Variants in BSG observed in about 807,000 individuals in gnomAD.
BSG encodes the protein basigin.
BSG carries 37 observed loss-of-function variants against 43.1 expected under a neutral mutation model. That is an observed-to-expected ratio of 0.86 (90% CI 0.66 to 1.13). BSG has a LOEUF of 1.13. Among genes scored for constraint, BSG ranks in the 50% most tolerant of loss-of-function variants. The pLI is 0.00. For missense variants in BSG, 599 were observed against 554.2 expected (o/e 1.08, Z -0.81); for synonymous variants, 309 against 238.7 (o/e 1.29, Z -2.72).
At chr19:581,279 G>A (rs763066457) in intron 5 of BSG, 36 bp from the exon 6 acceptor site, 4 of 1,583,914 alleles carry the variant, frequency 2.5e-6, no homozygotes, top group Non-Finnish European at 3.4e-6. Flanking sequence ...CCTAGACTGG[G>A]GGTCCTGGAC....
chr19:573,220 C>G (rs1981443309), intron 1 of BSG, among the ~76,000 whole-genome samples: 1 of 152,134 alleles, frequency 6.6e-6, no homozygotes. Context: ...GCCTGCCCAA[C>G]CCGTCCTGCT....
intron 1 of BSG, among the ~76,000 whole-genome samples, chr19:574,147 C>T (rs1208020047): frequency 6.6e-6 from 1 of 151,870 alleles, no homozygotes; most frequent in African/African-American, 2.4e-5. Flanking sequence ...CCCAGCCACT[C>T]AGGAAGCTGA....
chr19:579,626 ACG>A lies in BSG; in HGVS notation c.546_547del (p.Leu183AlafsTer69). ...AAGGGGGGCGTGGTGCTGAAGGAGG[ACG>A]CGCTGCCCGGCCAGAAAACGGAGTT... On this transcript the variant is annotated frameshift_variant, in exon 3 of 9. Transcript: ENST00000333511. LOFTEE classifies it high-confidence loss of function. 6.2e-7 allele frequency: 1 copy of A among 1,611,832 alleles called. No individual in the cohort carries two copies. The highest frequency in any genetic ancestry group is 8.5e-7 in the Non-Finnish European group (1 of 1,179,506).
At chr19:571,774 T>G, upstream of BSG, 1 of 614,576 alleles carries the variant, frequency 1.6e-6, no homozygotes, top group Non-Finnish European at 2.9e-6. Flanking sequence ...TCTGTTCCTC[T>G]GTCCTTTCCC....
At chr19:571,469 T>C (rs1040676859), upstream of BSG, 5 of 774,274 alleles carry the variant, frequency 6.5e-6, no homozygotes, top group South Asian at 1.3e-5. Flanking sequence ...CAAGGGTCCT[T>C]CCTACCCGCG....
At chr19:576,205 G>T (rs750813989) in intron 1 of BSG, among the ~76,000 whole-genome samples, 4 of 152,248 alleles carry the variant, frequency 2.6e-5, no homozygotes, top group Non-Finnish European at 5.9e-5. Context: ...TGCCCTGCCT[G>T]GAGGTGGGGT....
In BSG at chr19:581,037, TCCCGGACCCAGCCCTCTGGACTGCAGCCC is replaced by T. The variant is rs1982263684; in HGVS notation, c.792+256_793-249del. ...CTGGGTGAGGGGCCTAGACTGGGGG[TCCCGGACCCAGCCCTCTGGACTGCAGCCC>T]TCCAGACTGGGTGAGGGGCCTAGAC... On this transcript the variant is annotated intron_variant, in intron 5 of 8. Coordinates refer to ENST00000333511, the MANE Select transcript of BSG (RefSeq NM_001728.4). Among the ~76,000 whole-genome samples the T allele has an allele frequency of 3.5e-3, 296 of 84,264 alleles. 2 individuals carry two copies. The highest frequency in any genetic ancestry group is 0.012 in the African/African-American group (187 of 16,156). 55.3% of individuals were successfully genotyped at this position (84,264 alleles called of 152,430 possible). A position where few individuals can be genotyped will look rare whatever the true frequency, so the allele number is the denominator to read the frequency against.
chr19:579,448 GCGCGGGCCGTGCTCCTCCACTCTGCTGAC>G (rs1982081744), intron 2 of BSG, 23 bp from the exon 3 acceptor site: 2 of 1,606,218 alleles, frequency 1.2e-6, no homozygotes, highest in Admixed American at 3.3e-5. Flanking sequence ...CAGGCAGGCA[GCGCGGGCCGTGCTCCTCCACTCTGCTGAC>G]CGCGTCTCGC....
chr19:572,594 G>A (rs869192063), upstream of BSG: 3 of 1,450,722 alleles, frequency 2.1e-6, 1 homozygote, highest in Admixed American at 2.5e-5. Context: ...GGCGGCGGCG[G>A]CAGCGGTTGG....
intron 5 of BSG, 102 bp from the exon 6 acceptor site, chr19:581,213 G>A (rs1416996656): frequency 4.0e-6 from 5 of 1,253,830 alleles, no homozygotes; most frequent in South Asian, 2.1e-5. Flanking sequence ...CCTCCGGACT[G>A]GGTGAGGGGC....
chr19:577,691 T>A, intron 1 of BSG, 83 bp from the exon 2 acceptor site: 1 of 1,164,838 alleles, frequency 8.6e-7, no homozygotes, highest in Non-Finnish European at 1.1e-6. Context: ...TGGCTGGGAG[T>A]CCTGTGGGCG....
At chr19:571,613 T>C (rs753588290), upstream of BSG, 4 of 779,482 alleles carry the variant, frequency 5.1e-6, no homozygotes, top group East Asian at 9.7e-5. Flanking sequence ...CAGAATGGGA[T>C]CCAAATGGGA....
At chr19:571,824 C>G, upstream of BSG, 2 of 544,180 alleles carry the variant, frequency 3.7e-6, no homozygotes, top group Non-Finnish European at 3.3e-6. Context: ...AAGCTGATCC[C>G]GGTTGGCTAA....
intron 3 of BSG, 72 bp from the exon 4 acceptor site, chr19:580,307 C>T (rs1982169303): frequency 7.0e-7 from 1 of 1,434,268 alleles, no homozygotes; most frequent in Admixed American, 1.8e-5. Flanking sequence ...GGTTGGGCCC[C>T]TGGAGAACCC....
chr19:572,757 C>G, intron 1 of BSG, 56 bp downstream of exon 1: 1 of 1,373,956 alleles, frequency 7.3e-7, no homozygotes, highest in Non-Finnish European at 9.5e-7. Flanking sequence ...GAATGGAGGC[C>G]GCGGTGCCGA....
chr19:580,381 T>C lies in BSG; in HGVS notation c.575T>C (p.Val192Ala). 1 of 1,610,614 alleles carries C rather than the reference T, an allele frequency of 6.2e-7. No homozygotes were observed. The highest frequency in any genetic ancestry group is 8.5e-7 in the Non-Finnish European group (1 of 1,179,796). The change falls in exon 4 of 9, where the codon GTG becomes GCG. Residue 192 changes from valine (V) to alanine (A), a missense_variant and splice_region_variant. Val to Ala is a moderately conservative substitution (Grantham distance 64). Transcript: ENST00000333511. ...TCACCTGCCTGCTGTGGTTGCAGGG[T>C]GGACTCCGACGACCAGTGGGGAGAG... ...ALPGQKTEFK[V>A]DSDDQWGEYS... is the part of the protein sequence containing the mutation.
At chr19:573,124 C>A (rs1260970001) in intron 1 of BSG, among the ~76,000 whole-genome samples, 3 of 152,080 alleles carry the variant, frequency 2.0e-5, no homozygotes, top group African/African-American at 7.2e-5. Context: ...GCCCGCCCGC[C>A]GGTCCCATCG....
rs1365178674 is a variant in BSG at position 572,625 on chromosome 19, A to G, written c.-10A>G. On this transcript the variant is annotated 5_prime_UTR_variant, in exon 1 of 9. Transcript: ENST00000333511. ...GTTGGAGGTTGTAGGACCGGCGAGG[A>G]ATAGGAATCATGGCGGCTGCGCTGT... The G allele has an allele frequency of 5.3e-6, 8 of 1,499,464 alleles. No homozygotes were observed. The highest frequency in any genetic ancestry group is 2.9e-5 in the East Asian group (1 of 35,050). 92.9% of individuals were successfully genotyped at this position (1,499,464 alleles called of 1,614,324 possible).
At chr19:582,366 A>G in intron 7 of BSG, 36 bp downstream of exon 7, 2 of 1,595,626 alleles carry the variant, frequency 1.3e-6, no homozygotes, top group Non-Finnish European at 1.7e-6. Context: ...GGTCCCAAGG[A>G]GCGGCCTGCT....
Sources: allele counts gnomAD v4.1 joint callset (sites outside exome capture counted in the v4.1 genomes callset), GRCh38; gene constraint gnomAD v4.1.1; transcripts MANE v1.5; gene names NCBI Gene and HGNC (gene_info 2026-07-23, HGNC 2026-07-21).